LDLRAD4: variants seen among roughly 807,000 people sequenced by gnomAD.
LDLRAD4 encodes low density lipoprotein receptor class A domain containing 4, also known as low-density lipoprotein receptor class A domain-containing protein 4.
A neutral mutation model predicts 17.0 loss-of-function variants in LDLRAD4; 5 were observed. That is an observed-to-expected ratio of 0.29 (90% CI 0.15 to 0.62). The LOEUF (loss-of-function observed/expected upper bound fraction) is 0.62, where lower values mean the gene tolerates loss of function less well. LDLRAD4 is among the 20% of genes least tolerant of loss of function. LDLRAD4 has a pLI of 0.84. For missense variants in LDLRAD4, 340 were observed against 424.7 expected (o/e 0.80, Z 1.75); for synonymous variants, 168 against 171.8 (o/e 0.98, Z 0.17).
At chr18:13,586,568 T>C (rs1386584205) in intron 3 of LDLRAD4, among the ~76,000 whole-genome samples, 1 of 151,822 alleles carries the variant, frequency 6.6e-6, no homozygotes, top group Non-Finnish European at 1.5e-5. Context: ...CACATCCATA[T>C]ATACAAGGAT....
At chr18:13,606,802 A>T (rs973785888) in intron 3 of LDLRAD4, among the ~76,000 whole-genome samples, 3 of 152,222 alleles carry the variant, frequency 2.0e-5, no homozygotes, top group Non-Finnish European at 2.9e-5. Context: ...ATTTCATCTC[A>T]GAGCAAAATT....
intron 3 of LDLRAD4, among the ~76,000 whole-genome samples, chr18:13,481,200 A>G (rs1208360612): frequency 1.3e-5 from 2 of 152,160 alleles, no homozygotes; most frequent in Non-Finnish European, 2.9e-5. Context: ...AGATGGGCAA[A>G]TTCTTCTGCC....
rs561686310 is a variant in LDLRAD4, at chr18:13,315,840, T to C, written c.-383+37652T>C. ...TGGACTTAAATGGAAATTCTGGGAA[T>C]GAAAAATACAATAAATGAAATGAAG... On this transcript the variant is annotated intron_variant, in intron 1 of 5. Transcript: ENST00000359446. 1.7e-4 allele frequency among the ~76,000 whole-genome samples: 25 copies of C among 146,582 alleles called. No homozygotes were observed. The South Asian group carries it at 5.4e-3, about 32-fold the overall frequency.
At chr18:13,519,661 A>C (rs1298143990) in intron 3 of LDLRAD4, 1 of 152,208 alleles carries the variant, frequency 6.6e-6, no homozygotes, top group South Asian at 2.1e-4. Flanking sequence ...GCTACTCGGG[A>C]GGCCAAGGCA....
chr18:13,494,762 G>C (rs921834447), intron 3 of LDLRAD4, among the ~76,000 whole-genome samples: 1 of 146,714 alleles, frequency 6.8e-6, no homozygotes. Flanking sequence ...AAGGAAGTTT[G>C]GGTGCCCCTA....
Position 13,460,440 on chromosome 18 carries a change from C to A in LDLRAD4, c.181+22056C>A, listed in dbSNP as rs150630124. 2.4e-3 allele frequency among the ~76,000 whole-genome samples: 372 copies of A among 152,336 alleles called. 1 individual carries two copies. The highest frequency in any genetic ancestry group is 2.5e-3 in the Non-Finnish European group (173 of 68,034). On this transcript the variant is annotated intron_variant, in intron 3 of 5. Coordinates refer to ENST00000359446, the Ensembl canonical transcript of LDLRAD4. ...ACTCCGGGCACAAGCAGTCCTCCTG[C>A]CTCAGCCTCCCAAAGTGCTGGGATT...
chr18:13,357,338 G>A lies in LDLRAD4; in HGVS notation c.-382-30003G>A, dbSNP rs115438014. Among the ~76,000 whole-genome samples the A allele has an allele frequency of 6.4e-3, 973 of 151,880 alleles. 9 individuals carry two copies. The highest frequency in any genetic ancestry group is 0.022 in the African/African-American group (915 of 41,392). On this transcript the variant is annotated intron_variant, in intron 1 of 5. Coordinates refer to ENST00000359446, the Ensembl canonical transcript of LDLRAD4. ...TCCTTCTGCCTTATTCTCCTAGAGT[G>A]TTGGTATTACAGGCATGAGCCCCCA... is the stretch of plus-strand genomic sequence containing the variant.
chr18:13,494,218 C>G (rs963617869), intron 3 of LDLRAD4, among the ~76,000 whole-genome samples: 1 of 152,120 alleles, frequency 6.6e-6, no homozygotes, highest in Non-Finnish European at 1.5e-5. Flanking sequence ...TGCTGTCTAG[C>G]TTGTCTGACA....
At chr18:13,550,785 C>T (rs2094424983) in intron 3 of LDLRAD4, among the ~76,000 whole-genome samples, 1 of 152,192 alleles carries the variant, frequency 6.6e-6, no homozygotes, top group Non-Finnish European at 1.5e-5. Context: ...GACTCCAAGT[C>T]CGAGTCCCGC....
intron 3 of LDLRAD4, among the ~76,000 whole-genome samples, chr18:13,499,504 T>TAC (rs2093572711): frequency 6.8e-6 from 1 of 146,064 alleles, no homozygotes; most frequent in African/African-American, 2.6e-5. Flanking sequence ...AGAATCCTTC[T>TAC]TGCCACACAC....
intron 3 of LDLRAD4, among the ~76,000 whole-genome samples, chr18:13,473,678 T>TATATATATATATAAAA (rs374731826): frequency 1.3e-5 from 1 of 79,986 alleles, no homozygotes; most frequent in Non-Finnish European, 2.3e-5. Context: ...TATATATATA[T>TATATATATATATAAAA]AACGTTTACA....
At chr18:13,540,638 G>T (rs1249090311) in intron 3 of LDLRAD4, among the ~76,000 whole-genome samples, 1 of 152,164 alleles carries the variant, frequency 6.6e-6, no homozygotes, top group East Asian at 1.9e-4. Flanking sequence ...AACATCTGCT[G>T]GCTGGAAAAT....
intron 1 of LDLRAD4, among the ~76,000 whole-genome samples, chr18:13,272,881 A>C (rs759193084): frequency 1.8e-4 from 27 of 152,194 alleles, no homozygotes; most frequent in Non-Finnish European, 3.1e-4. Flanking sequence ...CTGGCCGATG[A>C]GGCCCTAGGA....
intron 4 of LDLRAD4, chr18:13,641,995 C>T (rs1568445266): frequency 1.0e-6 from 1 of 985,148 alleles, no homozygotes; most frequent in Non-Finnish European, 1.2e-6. Context: ...GTGGGAGGGC[C>T]TCCGCCCCCT....
intron 3 of LDLRAD4, among the ~76,000 whole-genome samples, chr18:13,513,761 G>A (rs546316413): frequency 1.4e-4 from 21 of 152,186 alleles, no homozygotes; most frequent in Non-Finnish European, 2.8e-4. Context: ...GTCAGGCCAA[G>A]GTAAAAGTGT....
chr18:13,643,299 G>T, intron 4 of LDLRAD4, 60 bp from the exon 6 acceptor site: 1 of 1,089,314 alleles, frequency 9.2e-7, no homozygotes, highest in Non-Finnish European at 1.3e-6. Context: ...GGTGCGGCGG[G>T]GCTAATGATT....
At chr18:13,524,129 T>C (rs976417252) in intron 3 of LDLRAD4, among the ~76,000 whole-genome samples, 3 of 152,234 alleles carry the variant, frequency 2.0e-5, no homozygotes, top group Non-Finnish European at 4.4e-5. Flanking sequence ...GACCCCCGAC[T>C]TCCCTTGTAA....
chr18:13,512,091 G>A (rs1363703181), intron 3 of LDLRAD4, among the ~76,000 whole-genome samples: 2 of 152,176 alleles, frequency 1.3e-5, no homozygotes, highest in East Asian at 1.9e-4. Flanking sequence ...GCAAAATATC[G>A]TGTTTTGTTT....
At chr18:13,352,692 T>G (rs1241313231) in intron 1 of LDLRAD4, among the ~76,000 whole-genome samples, 1 of 152,196 alleles carries the variant, frequency 6.6e-6, no homozygotes, top group Non-Finnish European at 1.5e-5. Context: ...TCTCTTCTCC[T>G]TCTGGAATTC....
Sources: gnomAD v4.1 joint callset for allele counts (sites outside exome capture counted in the v4.1 genomes callset) on GRCh38, gnomAD v4.1.1 for gene constraint, MANE v1.5 for transcripts, NCBI Gene and HGNC (gene_info 2026-07-23, HGNC 2026-07-21) for gene names.